BTNL8: variants seen among roughly 807,000 people sequenced by gnomAD.
BTNL8 encodes butyrophilin-like protein 8.
In BTNL8, 22 loss-of-function variants were observed where a neutral mutation model predicts 36.1. The ratio of observed to expected loss-of-function variants is 0.61; its 90% CI spans 0.44 to 0.87. BTNL8 has a LOEUF of 0.87. BTNL8 is among the 40% of genes least tolerant of loss of function. BTNL8 has a pLI of 0.00. For synonymous variants in BTNL8, 203 were observed against 235.6 expected (o/e 0.86, Z 1.27); for missense variants, 526 against 616.9 (o/e 0.85, Z 1.56).
intron 3 of BTNL8, among the ~76,000 whole-genome samples, chr5:180,912,655 G>A (rs1757454367): frequency 6.6e-6 from 1 of 152,100 alleles, no homozygotes; most frequent in African/African-American, 2.4e-5. Flanking sequence ...CTTGAGCCTA[G>A]GAGTTTGAGG....
At chr5:180,947,898 A>G (rs7711990) in intron 4 of BTNL8, 504,583 of 1,221,076 alleles carry the variant, frequency 0.41, 106,864 homozygotes, top group African/African-American at 0.64. Context: ...ATAATTTTCC[A>G]TGAACACCAC....
At chr5:180,909,654 A>G (rs1467479772) in intron 2 of BTNL8, 2 of 920,426 alleles carry the variant, frequency 2.2e-6, no homozygotes, top group Non-Finnish European at 2.6e-6. Flanking sequence ...CTGAGACAGG[A>G]GGATTGCTTG....
chr5:180,908,956 T>C, intron 2 of BTNL8, 23 bp downstream of exon 2: 1 of 1,591,490 alleles, frequency 6.3e-7, no homozygotes, highest in Non-Finnish European at 8.6e-7. Context: ...TTTCATAACT[T>C]AGTTGTCCCA....
At chr5:180,941,916 T>TTTTTTTTTTGAGACGGAGTCTCGCTG (rs1172840637) in intron 3 of BTNL8, among the ~76,000 whole-genome samples, 10 of 150,520 alleles carry the variant, frequency 6.6e-5, no homozygotes, top group African/African-American at 2.2e-4. Context: ...ACTACTCTTA[T>TTTTTTTTTTGAGACGGAGTCTCGCTG]TCAACAAAGT....
chr5:180,949,526 C>T, intron 7 of BTNL8: 1 of 580,898 alleles, frequency 1.7e-6, no homozygotes, highest in Non-Finnish European at 2.9e-6. Flanking sequence ...GAATTGAGGG[C>T]ACTAGTGACT....
chr5:180,950,122 G>A lies in BTNL8; in HGVS notation c.1081G>A (p.Asp361Asn). The change falls in exon 8 of 8, where the codon GAT (aspartate) becomes AAT (asparagine). Residue 361 changes from aspartate (D) to asparagine (N), a missense_variant. Physicochemically the swap from Asp to Asn is conservative, Grantham distance 23. Transcript: ENST00000340184. ...GTGGCGCGTGGGAGTGTGCCGGGATGATGTGGACAGGAGGAAGGAGTACGT... is the reference window on the plus strand; with the variant it reads ...GTGGCGCGTGGGAGTGTGCCGGGATAATGTGGACAGGAGGAAGGAGTACGT... ...KRWRVGVCRDDVDRRKEYVTL... is the reference protein window; with the variant it reads ...KRWRVGVCRDNVDRRKEYVTL... The A allele has an allele frequency of 6.8e-7, 1 of 1,463,016 alleles. No homozygotes were observed. The highest frequency in any genetic ancestry group is 9.4e-7 in the Non-Finnish European group (1 of 1,058,870). The allele number at this position is 1,463,016 out of a possible 1,614,324, so 90.6% of individuals were successfully genotyped here.
intron 2 of BTNL8, 111 bp from the exon 3 acceptor site, chr5:180,911,228 T>A: frequency 1.3e-6 from 2 of 1,485,118 alleles, no homozygotes; most frequent in South Asian, 2.6e-5. Context: ...TTAGTGTTTG[T>A]GTGTGTAAGA....
chr5:180,948,481 A>G lies in BTNL8; in HGVS notation c.808+106A>G, dbSNP rs568937876. 56 of 1,607,912 alleles carry G rather than the reference A, an allele frequency of 3.5e-5. 2 individuals are homozygous for G. In the African/African-American group the frequency reaches 7.2e-4, roughly 21 times the overall value. On this transcript the variant is annotated intron_variant, in intron 5 of 7. Transcript: ENST00000340184. ...GACCCTGGCTGCAGGCTGGACAGGA[A>G]GCACCGGCAGGTGGAGGAGAGCAGC...
At chr5:180,947,032 TGACAA>T (rs1220918941) in intron 3 of BTNL8, among the ~76,000 whole-genome samples, 5 of 152,212 alleles carry the variant, frequency 3.3e-5, no homozygotes, top group Non-Finnish European at 7.3e-5. Context: ...TCTTAGAACT[TGACAA>T]GTCAATACAA....
chr5:180,946,226 A>C (rs560495033), intron 3 of BTNL8, among the ~76,000 whole-genome samples: 17 of 152,164 alleles, frequency 1.1e-4, no homozygotes, highest in Non-Finnish European at 2.5e-4. Context: ...AACTGTATGG[A>C]GTTTTCTTAA....
intron 1 of BTNL8, among the ~76,000 whole-genome samples, chr5:180,901,764 A>G (rs1425168739): frequency 6.6e-6 from 1 of 152,246 alleles, no homozygotes; most frequent in Non-Finnish European, 1.5e-5. Context: ...AAGGCAAGAC[A>G]TGTTGACAAA....
intron 2 of BTNL8, among the ~76,000 whole-genome samples, chr5:180,910,895 C>T (rs1394058873): frequency 1.3e-5 from 2 of 152,224 alleles, no homozygotes; most frequent in African/African-American, 2.4e-5. Flanking sequence ...ATCTGCCCCT[C>T]AACTGGAATT....
At chr5:180,914,113 T>C (rs1167837443) in intron 3 of BTNL8, among the ~76,000 whole-genome samples, 4 of 152,184 alleles carry the variant, frequency 2.6e-5, no homozygotes, top group African/African-American at 9.7e-5. Flanking sequence ...AAAATTCATG[T>C]TGAAACGAAA....
intron 3 of BTNL8, among the ~76,000 whole-genome samples, chr5:180,912,427 GTA>G (rs3029603): frequency 8.7e-5 from 13 of 150,004 alleles, no homozygotes; most frequent in East Asian, 2.0e-4. Context: ...ACAACAGGAT[GTA>G]TATATATATA....
chr5:180,907,774 T>G (rs570582917), intron 1 of BTNL8, among the ~76,000 whole-genome samples: 223 of 152,108 alleles, frequency 1.5e-3, no homozygotes, highest in Middle Eastern at 3.4e-3. Context: ...TGGAGTACCC[T>G]GCCGTGTGAG....
rs1582070635 is a variant in BTNL8 at position 180,949,178 on chromosome 5, C to A, written c.836-61C>A. 4.9e-6 allele frequency: 7 copies of A among 1,436,886 alleles called. 2 individuals are homozygous for A. In the South Asian group the frequency reaches 7.9e-5, roughly 16 times the overall value. The allele number at this position is 1,436,886 out of a possible 1,614,324, so 89.0% of individuals were successfully genotyped here. ...GGTCCCAATCCTTGGTCTTTCCCTTCTCCCTGCGCCCTGTTTCCCACGTGA... is the reference window on the plus strand; with the variant it reads ...GGTCCCAATCCTTGGTCTTTCCCTTATCCCTGCGCCCTGTTTCCCACGTGA... On this transcript the variant is annotated intron_variant, in intron 6 of 7. Transcript: ENST00000340184.
chr5:180,924,956 A>T (rs930840871), intron 3 of BTNL8, among the ~76,000 whole-genome samples: 3 of 152,192 alleles, frequency 2.0e-5, no homozygotes, highest in African/African-American at 7.2e-5. Context: ...TGACAAAGGA[A>T]TAAAAACAAT....
intron 3 of BTNL8, among the ~76,000 whole-genome samples, chr5:180,918,062 A>G (rs1177210473): frequency 6.6e-6 from 1 of 151,948 alleles, no homozygotes; most frequent in Non-Finnish European, 1.5e-5. Flanking sequence ...CAAAGAAAGA[A>G]AAATTAATGC....
intron 3 of BTNL8, among the ~76,000 whole-genome samples, chr5:180,942,913 C>T (rs1759054555): frequency 6.6e-6 from 1 of 151,790 alleles, no homozygotes; most frequent in Non-Finnish European, 1.5e-5. Flanking sequence ...AAACCACAGA[C>T]AATAAAAGCA....
Sources: gnomAD v4.1 joint callset for allele counts (sites outside exome capture counted in the v4.1 genomes callset) on GRCh38, gnomAD v4.1.1 for gene constraint, MANE v1.5 for transcripts, NCBI Gene and HGNC (gene_info 2026-07-23, HGNC 2026-07-21) for gene names.